Variants in HDAC9 observed in about 807,000 individuals in gnomAD.
HDAC9 encodes MEF-2 interacting transcription repressor (MITR) protein.
HDAC9 carries 41 observed loss-of-function variants against 139.4 expected under a neutral mutation model. The ratio of observed to expected loss-of-function variants is 0.29; its 90% CI spans 0.23 to 0.38. HDAC9 has a LOEUF of 0.38. Ranked by LOEUF, HDAC9 falls within the 10% of genes least tolerant of loss-of-function variation. The probability of loss-of-function intolerance (pLI) is 1.00; values close to 1 mark genes in which losing one functional copy is unlikely to be tolerated. For missense variants in HDAC9, 1,147 were observed against 1,297.0 expected, an observed-to-expected ratio of 0.88 and a Z score of 1.78; for synonymous variants, 517 against 476.2, an observed-to-expected ratio of 1.09 and a Z score of -1.12.
intron 1 of HDAC9, among the ~76,000 whole-genome samples, chr7:18,345,386 A>G (rs540384139): frequency 1.6e-4 from 24 of 152,060 alleles, no homozygotes; most frequent in African/African-American, 5.8e-4. Flanking sequence ...CATACTAAGC[A>G]TTATTTCCTT....
At chr7:18,434,750 A>T (rs958997301) in intron 1 of HDAC9, among the ~76,000 whole-genome samples, 2 of 152,150 alleles carry the variant, frequency 1.3e-5, no homozygotes, top group Non-Finnish European at 2.9e-5. Flanking sequence ...ACAAATGCTG[A>T]TGAGACTGTG....
chr7:18,673,003 C>A (rs969787009), intron 12 of HDAC9, among the ~76,000 whole-genome samples: 1 of 151,956 alleles, frequency 6.6e-6, no homozygotes, highest in African/African-American at 2.4e-5. Context: ...ATGTTACAAT[C>A]TTGATGTTTA....
intron 1 of HDAC9, among the ~76,000 whole-genome samples, chr7:18,342,687 A>G (rs563418869): frequency 1.3e-5 from 2 of 152,012 alleles, no homozygotes; most frequent in South Asian, 4.1e-4. Flanking sequence ...ATGTAATGGT[A>G]TAAATCACTG....
intron 22 of HDAC9, among the ~76,000 whole-genome samples, chr7:18,906,221 T>C (rs757418885): frequency 1.3e-5 from 2 of 151,956 alleles, no homozygotes; most frequent in African/African-American, 2.4e-5. Flanking sequence ...CAACTCACTG[T>C]AACCTAGACG....
At chr7:18,673,064 T>G (rs1035850936) in intron 12 of HDAC9, among the ~76,000 whole-genome samples, 5 of 152,040 alleles carry the variant, frequency 3.3e-5, no homozygotes, top group Non-Finnish European at 5.9e-5. Context: ...TTATTTTTCT[T>G]CATGAATATT....
At chr7:18,652,600 C>A (rs543710878) in intron 11 of HDAC9, among the ~76,000 whole-genome samples, 1 of 152,158 alleles carries the variant, frequency 6.6e-6, no homozygotes, top group South Asian at 2.1e-4. Context: ...TAGATCTCTG[C>A]CATGCCCCAT....
intron 16 of HDAC9, among the ~76,000 whole-genome samples, chr7:18,785,226 T>C (rs1242105691): frequency 6.6e-6 from 1 of 151,992 alleles, no homozygotes; most frequent in Non-Finnish European, 1.5e-5. Flanking sequence ...AGAACAATGC[T>C]TAAAAATAAA....
At chr7:18,353,769 T>C (rs1783039520) in intron 1 of HDAC9, among the ~76,000 whole-genome samples, 1 of 152,196 alleles carries the variant, frequency 6.6e-6, no homozygotes, top group South Asian at 2.1e-4. Flanking sequence ...CCTTTGTGTT[T>C]TATAGTGAAG....
chr7:18,851,869 G>A (rs1189258425), intron 21 of HDAC9, among the ~76,000 whole-genome samples: 1 of 152,116 alleles, frequency 6.6e-6, no homozygotes, highest in African/African-American at 2.4e-5. Context: ...TTGGTTTCCT[G>A]AATATTTAGA....
At chr7:18,879,556 T>A (rs1309328689) in intron 22 of HDAC9, among the ~76,000 whole-genome samples, 5 of 152,062 alleles carry the variant, frequency 3.3e-5, no homozygotes, top group Non-Finnish European at 7.4e-5. Context: ...AAACAAGCAA[T>A]GGGGAGAAGA....
chr7:18,889,261 C>T (rs1424893031), intron 22 of HDAC9, among the ~76,000 whole-genome samples: 1 of 152,118 alleles, frequency 6.6e-6, no homozygotes, highest in African/African-American at 2.4e-5. Context: ...CTTCTCAGCT[C>T]AGATATCACC....
chr7:18,792,507 A>G (rs1792413090), intron 16 of HDAC9, among the ~76,000 whole-genome samples: 1 of 152,090 alleles, frequency 6.6e-6, no homozygotes, highest in African/African-American at 2.4e-5. Context: ...CTTTTCATGT[A>G]TGCATTATTA....
intron 2 of HDAC9, among the ~76,000 whole-genome samples, chr7:18,192,507 A>G (rs1436602801): frequency 6.6e-6 from 1 of 152,172 alleles, no homozygotes; most frequent in Non-Finnish European, 1.5e-5. Context: ...GTGGAAAGGA[A>G]TCATGGGTAT....
intron 2 of HDAC9, among the ~76,000 whole-genome samples, chr7:18,230,309 C>A (rs527522838): frequency 1.5e-3 from 221 of 152,284 alleles, no homozygotes; most frequent in Non-Finnish European, 2.5e-3. Flanking sequence ...TTAATAGTTT[C>A]AAGTCAGCAA....
chr7:18,228,335 G>A (rs1261348668), intron 2 of HDAC9, among the ~76,000 whole-genome samples: 1 of 149,484 alleles, frequency 6.7e-6, no homozygotes, highest in African/African-American at 2.5e-5. Context: ...TACTGAAAAT[G>A]ACGTATAAAA....
At chr7:18,226,071 T>G (rs1793032607) in intron 2 of HDAC9, among the ~76,000 whole-genome samples, 1 of 152,200 alleles carries the variant, frequency 6.6e-6, no homozygotes, top group South Asian at 2.1e-4. Context: ...CCAGCTATCT[T>G]GAAATGTACT....
At chr7:18,651,793 G>A (rs1357629672) in intron 11 of HDAC9, among the ~76,000 whole-genome samples, 12 of 152,080 alleles carry the variant, frequency 7.9e-5, no homozygotes, top group Admixed American at 2.6e-4. Context: ...TGTGTTCTAA[G>A]ATTATTTGCC....
rs147203245 is a variant in HDAC9 at position 18,665,697 on chromosome 7, T to A, written c.1468-516T>A. Among the ~76,000 whole-genome samples, 517 of 152,266 alleles carry A rather than the reference T, an allele frequency of 3.4e-3. 2 individuals are homozygous for A. Among genetic ancestry groups the A allele is most frequent in the African/African-American group, 0.012 (498 of 41,580 alleles). On this transcript the variant is annotated intron_variant, in intron 11 of 25. Coordinates refer to ENST00000686413, the MANE Select transcript of HDAC9 (RefSeq NM_178425.4). ...CTTACAAATATATATAAGAAGATGC[T>A]TTTTCATTTGACTGTCGTTTCTCTG... is the stretch of plus-strand genomic sequence containing the variant.
chr7:18,689,794 A>G (rs964370556), intron 12 of HDAC9, among the ~76,000 whole-genome samples: 3 of 151,932 alleles, frequency 2.0e-5, no homozygotes, highest in Admixed American at 6.6e-5. Flanking sequence ...TTCTGTGGCT[A>G]TGGTTGGCTT....
Sources: gnomAD v4.1 joint callset for allele counts (sites outside exome capture counted in the v4.1 genomes callset) on GRCh38, gnomAD v4.1.1 for gene constraint, MANE v1.5 for transcripts, NCBI Gene and HGNC (gene_info 2026-07-23, HGNC 2026-07-21) for gene names.